The following ACVR1C variants were observed in gnomAD, a reference collection of about 807,000 sequenced individuals.
ACVR1C encodes activin A receptor type 1C, also known as activin receptor type-1C.
A neutral mutation model predicts 57.9 loss-of-function variants in ACVR1C; 23 were observed. That is an observed-to-expected ratio of 0.40 (90% CI 0.29 to 0.56). The LOEUF (loss-of-function observed/expected upper bound fraction) is 0.56. Among genes scored for constraint, ACVR1C ranks in the 20% least tolerant of loss-of-function variants. ACVR1C has a pLI of 0.50. For synonymous variants in ACVR1C, 214 were observed against 215.3 expected, an observed-to-expected ratio of 0.99 and a Z score of 0.05; for missense variants, 480 against 607.9, an observed-to-expected ratio of 0.79 and a Z score of 2.21.
chr2:157,553,749 A>G (rs867103678), intron 3 of ACVR1C, among the ~76,000 whole-genome samples: 3 of 152,242 alleles, frequency 2.0e-5, no homozygotes, highest in South Asian at 4.1e-4. Flanking sequence ...AAATTATATA[A>G]GGTTTCAAGA....
chr2:157,585,637 C>A (rs1307724146), intron 2 of ACVR1C, among the ~76,000 whole-genome samples: 1 of 152,078 alleles, frequency 6.6e-6, no homozygotes, highest in Non-Finnish European at 1.5e-5. Flanking sequence ...CTCCTTTTTA[C>A]CCCTAAAATC....
intron 1 of ACVR1C, among the ~76,000 whole-genome samples, chr2:157,608,974 T>A (rs1199482243): frequency 6.6e-6 from 1 of 151,980 alleles, no homozygotes; most frequent in Non-Finnish European, 1.5e-5. Context: ...TTTAGTTCAT[T>A]TAGTTCTGCT....
intron 1 of ACVR1C, chr2:157,597,347 G>T (rs898738589): frequency 8.9e-5 from 88 of 985,692 alleles, no homozygotes; most frequent in Non-Finnish European, 9.9e-5. Context: ...CGCCCCCGGG[G>T]AGCTCCCCTT....
intron 1 of ACVR1C, among the ~76,000 whole-genome samples, chr2:157,620,277 T>G (rs1258739858): frequency 6.6e-6 from 1 of 152,040 alleles, no homozygotes; most frequent in Non-Finnish European, 1.5e-5. Flanking sequence ...TTTCTGGAAA[T>G]ACAAATGACA....
chr2:157,600,167 T>C (rs1037569657), intron 1 of ACVR1C, among the ~76,000 whole-genome samples: 7 of 152,220 alleles, frequency 4.6e-5, no homozygotes, highest in African/African-American at 1.4e-4. Context: ...TGTATTCTTA[T>C]AAAGACTGAC....
intron 2 of ACVR1C, among the ~76,000 whole-genome samples, chr2:157,568,243 G>C: frequency 1.0e-5 from 1 of 98,950 alleles, no homozygotes; most frequent in Non-Finnish European, 2.1e-5. Flanking sequence ...ACCGGTACCA[G>C]CCGCTGCAAA....
At chr2:157,541,239 T>C (rs1687619386) in intron 6 of ACVR1C, 25 bp from the exon 7 acceptor site, 1 of 1,606,708 alleles carries the variant, frequency 6.2e-7, no homozygotes, top group Non-Finnish European at 8.5e-7. Context: ...ACATTTCAGA[T>C]TCTGTCTATG....
chr2:157,621,466 G>A (rs1428040954), intron 1 of ACVR1C, among the ~76,000 whole-genome samples: 1 of 152,174 alleles, frequency 6.6e-6, no homozygotes, highest in African/African-American at 2.4e-5. Context: ...AGTAGGAGGA[G>A]TAGTGATTTG....
intron 2 of ACVR1C, among the ~76,000 whole-genome samples, chr2:157,565,113 T>G (rs569545264): frequency 6.6e-6 from 1 of 151,994 alleles, no homozygotes; most frequent in African/African-American, 2.4e-5. Flanking sequence ...ATCCCAGAAT[T>G]TAAAGTAAAA....
chr2:157,588,902 T>C (rs564200575), intron 1 of ACVR1C, among the ~76,000 whole-genome samples: 83 of 146,430 alleles, frequency 5.7e-4, no homozygotes, highest in Non-Finnish European at 1.1e-3. Context: ...TATATATATA[T>C]GTACATGCTC....
intron 1 of ACVR1C, among the ~76,000 whole-genome samples, chr2:157,611,302 G>A (rs913787173): frequency 6.6e-6 from 1 of 152,184 alleles, no homozygotes; most frequent in East Asian, 1.9e-4. Flanking sequence ...CAGCATCAGT[G>A]GTATCTGTGA....
Position 157,624,567 on chromosome 2 carries a change from T to G in ACVR1C, c.73+4005A>C, listed in dbSNP as rs1225338618. 3.9e-5 allele frequency among the ~76,000 whole-genome samples: 6 copies of G among 152,332 alleles called. No homozygotes were observed. In the East Asian group the frequency reaches 1.2e-3, roughly 29 times the overall value. The stretch of plus-strand genomic sequence containing the variant: ...GGGAATCAAGAGTTATTCTTGTTTT[T>G]TTCACCCATATTTTCATGTCTAGAT... On this transcript the variant is annotated intron_variant, in intron 1 of 8. Transcript: ENST00000243349.
chr2:157,552,028 C>A (rs1448822411), intron 3 of ACVR1C, among the ~76,000 whole-genome samples: 1 of 152,220 alleles, frequency 6.6e-6, no homozygotes, highest in African/African-American at 2.4e-5. Flanking sequence ...CAGGATTATG[C>A]TGCTAGTGAG....
chr2:157,597,693 CTG>C, intron 1 of ACVR1C: 1 of 401,068 alleles, frequency 2.5e-6, no homozygotes, highest in African/African-American at 2.2e-5. Flanking sequence ...TTTTTAAAAC[CTG>C]TGTGTCTTTA....
chr2:157,532,616 G>A lies in ACVR1C; in HGVS notation c.*1302C>T, dbSNP rs1687383316. On this transcript the variant is annotated 3_prime_UTR_variant, in exon 9 of 9. Transcript: ENST00000243349. ...TATAGATTTGAAGGGCATATTTAAT[G>A]TCCCATTAAATATTCATTACTCTGT... 5 of 151,966 alleles carry A rather than the reference G, an allele frequency of 3.3e-5. No homozygotes were observed. The allele number at this position is 151,966 out of a possible 1,614,324, so 9.4% of individuals were successfully genotyped here.
At chr2:157,581,230 C>A (rs1688782194) in intron 2 of ACVR1C, among the ~76,000 whole-genome samples, 1 of 151,678 alleles carries the variant, frequency 6.6e-6, no homozygotes, top group Admixed American at 6.6e-5. Context: ...TTAAAAAACA[C>A]AAGGAAAGAA....
At chr2:157,606,348 C>A (rs2105144244) in intron 1 of ACVR1C, among the ~76,000 whole-genome samples, 1 of 151,790 alleles carries the variant, frequency 6.6e-6, no homozygotes, top group Middle Eastern at 3.4e-3. Flanking sequence ...AATGGTAGTT[C>A]TAATTTTAGT....
chr2:157,599,314 C>CAAAAAAAA (rs60182304), intron 1 of ACVR1C, among the ~76,000 whole-genome samples: 7 of 40,608 alleles, frequency 1.7e-4, no homozygotes, highest in African/African-American at 2.1e-4. Flanking sequence ...AGCCTGGGCT[C>CAAAAAAAA]AAAAAAAAAA....
Position 157,556,233 on chromosome 2 carries a change from G to A in ACVR1C, c.404C>T (p.Ala135Val). The change falls in exon 3 of 9, where the codon GCA becomes GTA. Residue 135 changes from alanine to valine, a missense_variant. Coordinates refer to ENST00000243349, the MANE Select transcript of ACVR1C (RefSeq NM_145259.3). ...LSIAAMLTVW[A>V]CQGRQCSYRK... ...GTAGGAGCACTGTCGACCCTGGCAT[G>A]CCCATACTGTCAGCATCGCAGCTAT... The A allele has an allele frequency of 1.2e-6, 2 of 1,614,094 alleles. No homozygotes were observed. Among genetic ancestry groups the A allele is most frequent in the Non-Finnish European group, 1.7e-6 (2 of 1,180,012 alleles).
Sources: allele counts gnomAD v4.1 joint callset (sites outside exome capture counted in the v4.1 genomes callset), GRCh38; gene constraint gnomAD v4.1.1; transcripts MANE v1.5; gene names NCBI Gene and HGNC (gene_info 2026-07-23, HGNC 2026-07-21).